CRACR2A: variants seen among roughly 807,000 people sequenced by gnomAD.
CRACR2A encodes the protein EF-hand calcium-binding domain-containing protein 4B.
A neutral mutation model predicts 90.5 loss-of-function variants in CRACR2A; 79 were observed. That is an observed-to-expected ratio of 0.87 (90% CI 0.73 to 1.05). CRACR2A has a LOEUF of 1.05. Among genes scored for constraint, CRACR2A ranks in the 50% least tolerant of loss-of-function variants. The pLI is 0.00. For synonymous variants in CRACR2A, 338 were observed against 356.7 expected (o/e 0.95, Z 0.59); for missense variants, 823 against 897.2 (o/e 0.92, Z 1.06).
At chr12:3,634,512 G>A (rs1944426507) in intron 14 of CRACR2A, among the ~76,000 whole-genome samples, 1 of 152,156 alleles carries the variant, frequency 6.6e-6, no homozygotes, top group East Asian at 1.9e-4. Flanking sequence ...ACTTGCTCTA[G>A]GACAAAAAGC....
intron 7 of CRACR2A, among the ~76,000 whole-genome samples, chr12:3,667,645 G>A (rs1236642481): frequency 1.3e-5 from 2 of 152,216 alleles, no homozygotes; most frequent in Non-Finnish European, 2.9e-5. Context: ...GAATGGGAAT[G>A]GTAAACAGGG....
chr12:3,647,534 TAA>T (rs1944710916), intron 11 of CRACR2A, among the ~76,000 whole-genome samples: 1 of 152,186 alleles, frequency 6.6e-6, no homozygotes. Context: ...TTCCTTTTAC[TAA>T]AGTCTTCCTA....
Position 3,696,983 on chromosome 12 carries a change from C to G in CRACR2A, c.17G>C (p.Gly6Ala), listed in dbSNP as rs201288170. The stretch of plus-strand genomic sequence containing the variant: ...TCTCTGGGGTCTGGAGACTACCCTC[C>G]CGTCAGGGGCAGCCATCGCGATTAG... MAAPD[G>A]RVVSRPQRLG... The change falls in exon 4 of 20, where the codon GGG becomes GCG. Residue 6 changes from glycine (G) to alanine (A), a missense_variant. Transcript: ENST00000440314. 4.9e-5 allele frequency: 79 copies of G among 1,612,162 alleles called. No individual in the cohort carries two copies. In the East Asian group the frequency reaches 1.7e-3, roughly 35 times the overall value.
Position 3,644,655 on chromosome 12 carries a change from G to A in CRACR2A, c.1119-15C>T, listed in dbSNP as rs968891316. On this transcript the variant is annotated splice_polypyrimidine_tract_variant and intron_variant, in intron 11 of 19. Transcript: ENST00000440314. ...TGTTCCTTTCCCTGTGGATGGTAAA[G>A]GGGAATCTATTCAAACATGGAGTTT... The A allele has an allele frequency of 3.9e-6, 6 of 1,551,568 alleles. 1 individual carries two copies. Among genetic ancestry groups the A allele is most frequent in the Non-Finnish European group, 5.2e-6 (6 of 1,146,892 alleles).
intron 3 of CRACR2A, among the ~76,000 whole-genome samples, chr12:3,708,646 C>T (rs1028989988): frequency 6.6e-6 from 1 of 152,094 alleles, no homozygotes; most frequent in Non-Finnish European, 1.5e-5. Flanking sequence ...AGGATGGTCT[C>T]GTTCTCCTGA....
chr12:3,739,587 T>C (rs539684840), intron 1 of CRACR2A, among the ~76,000 whole-genome samples: 8 of 152,342 alleles, frequency 5.3e-5, no homozygotes, highest in Middle Eastern at 3.4e-3. Flanking sequence ...GTTATTTTCA[T>C]CTTTCCAGTA....
At chr12:3,685,005 C>T (rs991022659) in intron 4 of CRACR2A, among the ~76,000 whole-genome samples, 2 of 152,218 alleles carry the variant, frequency 1.3e-5, no homozygotes, top group Non-Finnish European at 2.9e-5. Context: ...TGAATAAAAC[C>T]ATATTCACCT....
intron 8 of CRACR2A, among the ~76,000 whole-genome samples, chr12:3,657,432 G>A (rs903426099): frequency 1.3e-5 from 2 of 152,228 alleles, no homozygotes; most frequent in Non-Finnish European, 2.9e-5. Context: ...GACAGCAGCA[G>A]CAGCGCGGTG....
intron 1 of CRACR2A, among the ~76,000 whole-genome samples, chr12:3,749,921 G>T (rs1289643958): frequency 1.3e-5 from 2 of 151,246 alleles, no homozygotes. Flanking sequence ...CTGTCCCCAG[G>T]GCTATTTTTT....
intron 8 of CRACR2A, among the ~76,000 whole-genome samples, chr12:3,657,904 G>A (rs1173013772): frequency 6.6e-6 from 1 of 152,154 alleles, no homozygotes. Flanking sequence ...AAACAAACTG[G>A]TAAGGGTCAA....
chr12:3,697,262 A>C (rs1293532970), intron 3 of CRACR2A, among the ~76,000 whole-genome samples: 1 of 152,184 alleles, frequency 6.6e-6, no homozygotes, highest in Non-Finnish European at 1.5e-5. Context: ...TGCGGAAAGA[A>C]GACAGACATC....
chr12:3,719,286 A>AT (rs1382737094), intron 2 of CRACR2A, among the ~76,000 whole-genome samples: 3 of 152,114 alleles, frequency 2.0e-5, no homozygotes, highest in Non-Finnish European at 4.4e-5. Context: ...ATATTCCCCC[A>AT]TGTCACCGCT....
chr12:3,644,691 G>C (rs994068511), intron 11 of CRACR2A, 51 bp from the exon 12 acceptor site: 1 of 1,522,946 alleles, frequency 6.6e-7, no homozygotes, highest in Non-Finnish European at 8.9e-7. Flanking sequence ...GCAGTTGACA[G>C]ATCCAACGGC....
intron 3 of CRACR2A, among the ~76,000 whole-genome samples, chr12:3,707,403 A>C (rs1945943390): frequency 6.6e-6 from 1 of 152,234 alleles, no homozygotes; most frequent in African/African-American, 2.4e-5. Flanking sequence ...AAGCCTTGAT[A>C]ATGATTTGAG....
chr12:3,635,339 A>G (rs1262450897), intron 14 of CRACR2A, among the ~76,000 whole-genome samples: 1 of 152,186 alleles, frequency 6.6e-6, no homozygotes, highest in East Asian at 1.9e-4. Context: ...GCAAATCAGA[A>G]GATCTCTTCT....
At chr12:3,690,992 C>T (rs1945640523) in intron 4 of CRACR2A, among the ~76,000 whole-genome samples, 1 of 151,982 alleles carries the variant, frequency 6.6e-6, no homozygotes, top group South Asian at 2.1e-4. Flanking sequence ...TTTCTGTTTT[C>T]CATTCGCCTG....
At chr12:3,664,560 T>C (rs1945093740) in intron 7 of CRACR2A, among the ~76,000 whole-genome samples, 1 of 152,244 alleles carries the variant, frequency 6.6e-6, no homozygotes, top group Non-Finnish European at 1.5e-5. Context: ...TTTTTATTAC[T>C]TCAAAACATT....
At chr12:3,717,712 A>T (rs918715557) in intron 2 of CRACR2A, among the ~76,000 whole-genome samples, 1 of 152,232 alleles carries the variant, frequency 6.6e-6, no homozygotes, top group Non-Finnish European at 1.5e-5. Context: ...AGATTACGCT[A>T]TCTTATTTGT....
chr12:3,692,291 T>G (rs1945660554), intron 4 of CRACR2A, among the ~76,000 whole-genome samples: 1 of 152,214 alleles, frequency 6.6e-6, no homozygotes, highest in Non-Finnish European at 1.5e-5. Context: ...TCTTTGAAGT[T>G]GCTGACCTTT....
Sources: allele counts gnomAD v4.1 joint callset (sites outside exome capture counted in the v4.1 genomes callset), GRCh38; gene constraint gnomAD v4.1.1; transcripts MANE v1.5; gene names NCBI Gene and HGNC (gene_info 2026-07-23, HGNC 2026-07-21).